SFMBT1: variants seen among roughly 807,000 people sequenced by gnomAD.
SFMBT1 encodes Scm like with four mbt domains 1.
A neutral mutation model predicts 108.7 loss-of-function variants in SFMBT1; 32 were observed. The observed-to-expected ratio is 0.29, with a 90% CI of 0.22 to 0.40. SFMBT1 has a LOEUF of 0.40. Ranked by LOEUF, SFMBT1 falls within the 10% of genes least tolerant of loss-of-function variation. SFMBT1 has a pLI of 1.00. For synonymous variants in SFMBT1, 348 were observed against 369.5 expected, an observed-to-expected ratio of 0.94 and a Z score of 0.67; for missense variants, 816 against 1,059.6, an observed-to-expected ratio of 0.77 and a Z score of 3.19.
At chr3:52,974,743 C>T (rs1242997251) in intron 1 of SFMBT1, among the ~76,000 whole-genome samples, 1 of 150,512 alleles carries the variant, frequency 6.6e-6, no homozygotes, top group Non-Finnish European at 1.5e-5. Flanking sequence ...GTAATCCCAG[C>T]ACTTTGGGGG....
intron 12 of SFMBT1, among the ~76,000 whole-genome samples, chr3:52,920,150 T>C (rs577083605): frequency 6.6e-6 from 1 of 152,276 alleles, no homozygotes; most frequent in East Asian, 1.9e-4. Flanking sequence ...AGAGATAAAT[T>C]TCTGTTATTT....
intron 1 of SFMBT1, among the ~76,000 whole-genome samples, chr3:53,042,136 A>AT (rs1290708981): frequency 6.6e-6 from 1 of 152,224 alleles, no homozygotes; most frequent in African/African-American, 2.4e-5. Context: ...TTTGGACTGT[A>AT]TCTATTTACT....
At chr3:52,913,875 G>A (rs917632468) in intron 14 of SFMBT1, among the ~76,000 whole-genome samples, 45 of 152,220 alleles carry the variant, frequency 3.0e-4, no homozygotes, top group African/African-American at 1.1e-3. Flanking sequence ...ATTGATAGAA[G>A]AACCCTATCT....
chr3:52,935,202 A>T (rs1320051589), intron 4 of SFMBT1, among the ~76,000 whole-genome samples: 3 of 152,214 alleles, frequency 2.0e-5, no homozygotes, highest in African/African-American at 7.2e-5. Flanking sequence ...AAACTTTCAA[A>T]CATACAAAAA....
intron 1 of SFMBT1, among the ~76,000 whole-genome samples, chr3:53,040,967 AATTTTTTTTT>A (rs1700025983): frequency 5.5e-5 from 4 of 72,830 alleles, no homozygotes; most frequent in Non-Finnish European, 1.2e-4. Context: ...AAGACACCTG[AATTTTTTTTT>A]TTTTTTTTTT....
chr3:53,000,521 T>C (rs778248260), intron 1 of SFMBT1, among the ~76,000 whole-genome samples: 1 of 149,978 alleles, frequency 6.7e-6, no homozygotes, highest in African/African-American at 2.4e-5. Context: ...ATGTCTGCAA[T>C]AGAGCCTCAA....
intron 12 of SFMBT1, among the ~76,000 whole-genome samples, chr3:52,920,127 C>A (rs1307645134): frequency 6.6e-6 from 1 of 152,246 alleles, no homozygotes; most frequent in Non-Finnish European, 1.5e-5. Context: ...GCTTCCCAGT[C>A]TCCAGAACTG....
chr3:52,926,004 T>A (rs775118031), intron 10 of SFMBT1, 27 bp downstream of exon 10: 2 of 1,594,274 alleles, frequency 1.3e-6, no homozygotes, highest in Admixed American at 3.6e-5. Context: ...CCTGCCATAG[T>A]GGCCATGAGG....
intron 1 of SFMBT1, among the ~76,000 whole-genome samples, chr3:52,993,499 G>A (rs1698199927): frequency 6.7e-6 from 1 of 149,762 alleles, no homozygotes; most frequent in African/African-American, 2.4e-5. Flanking sequence ...TACCTTTAAG[G>A]GATAATTCTA....
chr3:53,005,738 T>C (rs1275710705), intron 1 of SFMBT1, among the ~76,000 whole-genome samples: 1 of 152,208 alleles, frequency 6.6e-6, no homozygotes, highest in Non-Finnish European at 1.5e-5. Flanking sequence ...TTGGCTGGGG[T>C]ACTTTTTCTC....
At chr3:52,985,958 C>T (rs987013863) in intron 1 of SFMBT1, among the ~76,000 whole-genome samples, 7 of 152,194 alleles carry the variant, frequency 4.6e-5, no homozygotes, top group African/African-American at 1.7e-4. Context: ...GCCTGGCCAA[C>T]ATGGTGAAAC....
chr3:52,980,605 G>A (rs796618097), intron 1 of SFMBT1, among the ~76,000 whole-genome samples: 8 of 150,702 alleles, frequency 5.3e-5, no homozygotes, highest in African/African-American at 2.0e-4. Flanking sequence ...GTCTACAGCT[G>A]CAGCTGCCTC....
intron 17 of SFMBT1, among the ~76,000 whole-genome samples, chr3:52,909,959 T>G (rs72961704): frequency 0.031 from 4,749 of 152,212 alleles, 296 homozygotes; most frequent in African/African-American, 0.11. Context: ...TCAGAGACAC[T>G]AAGCAAGCTT....
At chr3:52,933,743 G>A (rs745619571) in intron 5 of SFMBT1, among the ~76,000 whole-genome samples, 1 of 152,092 alleles carries the variant, frequency 6.6e-6, no homozygotes, top group African/African-American at 2.4e-5. Context: ...ATTTAAAAGG[G>A]AATGTGAATG....
chr3:52,959,932 G>A (rs971253178), intron 2 of SFMBT1, among the ~76,000 whole-genome samples: 2 of 151,962 alleles, frequency 1.3e-5, no homozygotes, highest in African/African-American at 2.4e-5. Flanking sequence ...TCAATAAACT[G>A]CTGAATGAGT....
chr3:52,956,422 T>C (rs993108066), intron 2 of SFMBT1, among the ~76,000 whole-genome samples: 1 of 152,162 alleles, frequency 6.6e-6, no homozygotes, highest in Non-Finnish European at 1.5e-5. Flanking sequence ...ATCACGCCAC[T>C]GCACTCCAGC....
At chr3:52,918,296 AT>A (rs1702420094) in intron 13 of SFMBT1, among the ~76,000 whole-genome samples, 187 bp downstream of exon 13, 1 of 152,230 alleles carries the variant, frequency 6.6e-6, no homozygotes, top group Non-Finnish European at 1.5e-5. Flanking sequence ...TTGAGAATGC[AT>A]TTTACCCTTT....
In SFMBT1 at chr3:52,907,153, C is replaced by A; in HGVS notation, c.2247G>T (p.Ser749=). 6.2e-7 allele frequency: 1 copy of A among 1,614,118 alleles called. No individual in the cohort carries two copies. ...SSPTQSEIST[S]LPPDRQRRKR... Reference sequence around the variant, plus strand: ...TTCTCCTTTGTCTATCTGGAGGCAGCGATGTGGATATCTCACTTTGGGTGG... The same window carrying A: ...TTCTCCTTTGTCTATCTGGAGGCAGAGATGTGGATATCTCACTTTGGGTGG... Residue 749 remains serine (S), a synonymous_variant, in exon 19 of 21, where the codon TCG becomes TCT. Transcript: ENST00000394752.
At position 53,025,609 on chromosome 3, in the gene SFMBT1, C is replaced by T. The variant is rs77836838; in HGVS notation, c.-131+20207G>A. The stretch of plus-strand genomic sequence containing the variant: ...CCAGCCTGGGTGACAGAGTGAACCC[C>T]GTCTTAAAAAAAGAAAAAAAAAGAA... On this transcript the variant is annotated intron_variant, in intron 1 of 20. Coordinates refer to ENST00000394752, the MANE Select transcript of SFMBT1 (RefSeq NM_016329.4). Among the ~76,000 whole-genome samples, 1,112 of 151,502 alleles carry T rather than the reference C, an allele frequency of 7.3e-3. 17 individuals carry two copies. Among genetic ancestry groups the T allele is most frequent in the African/African-American group, 0.025 (1,027 of 41,274 alleles).
Sources: gnomAD v4.1 joint callset for allele counts (sites outside exome capture counted in the v4.1 genomes callset) on GRCh38, gnomAD v4.1.1 for gene constraint, MANE v1.5 for transcripts, NCBI Gene and HGNC (gene_info 2026-07-23, HGNC 2026-07-21) for gene names.